The following LSAMP variants were observed in gnomAD, a reference collection of about 807,000 sequenced individuals.
LSAMP encodes limbic system-associated membrane protein.
A neutral mutation model predicts 38.6 loss-of-function variants in LSAMP; 7 were observed. The observed-to-expected ratio is 0.18, with a 90% CI of 0.10 to 0.34. The LOEUF (loss-of-function observed/expected upper bound fraction) is 0.34. Ranked by LOEUF, LSAMP falls within the 10% of genes least tolerant of loss-of-function variation. LSAMP has a pLI of 1.00. For synonymous variants in LSAMP, 154 were observed against 166.8 expected (o/e 0.92, Z 0.59); for missense variants, 313 against 420.0 (o/e 0.75, Z 2.23).
intron 3 of LSAMP, among the ~76,000 whole-genome samples, chr3:115,952,483 C>A (rs994937411): frequency 1.4e-4 from 21 of 152,122 alleles, no homozygotes; most frequent in African/African-American, 4.3e-4. Context: ...AACCAAATAT[C>A]ATATGTACTC....
intron 3 of LSAMP, among the ~76,000 whole-genome samples, chr3:115,914,719 C>G (rs1937209671): frequency 6.6e-6 from 1 of 152,170 alleles, no homozygotes; most frequent in Non-Finnish European, 1.5e-5. Flanking sequence ...CATCAACAGG[C>G]AGAACTGCTC....
chr3:116,108,538 T>C (rs1708521610), intron 1 of LSAMP, among the ~76,000 whole-genome samples: 1 of 152,066 alleles, frequency 6.6e-6, no homozygotes, highest in Non-Finnish European at 1.5e-5. Context: ...TCGGCGTCCG[T>C]GATGGTCTAC....
At position 115,958,896 on chromosome 3, in the gene LSAMP, C is replaced by T. The variant is rs567068031; in HGVS notation, c.514+60619G>A. On this transcript the variant is annotated intron_variant, in intron 3 of 6. Coordinates refer to ENST00000490035, the MANE Select transcript of LSAMP (RefSeq NM_002338.5). ...CTGGGCATTCAATGTCAGGAGAAGC[C>T]GGTAGACGTGGGGCCAGGAGGACTG... is the stretch of plus-strand genomic sequence containing the variant. Among the ~76,000 whole-genome samples, 43 of 152,206 alleles carry T rather than the reference C, an allele frequency of 2.8e-4. No homozygotes were observed. In the South Asian group the frequency reaches 4.4e-3, roughly 15 times the overall value.
intron 3 of LSAMP, among the ~76,000 whole-genome samples, chr3:115,875,173 A>G (rs1432160402): frequency 6.6e-6 from 1 of 152,132 alleles, no homozygotes; most frequent in Non-Finnish European, 1.5e-5. Flanking sequence ...TTACCCAAAT[A>G]TTTTCCTCAG....
intron 1 of LSAMP, among the ~76,000 whole-genome samples, chr3:116,278,256 A>G (rs1363969765): frequency 6.6e-6 from 1 of 152,164 alleles, no homozygotes; most frequent in Non-Finnish European, 1.5e-5. Context: ...TTTAAGAGCT[A>G]TTGTCACTTT....
chr3:116,321,085 A>G (rs1366969649), intron 1 of LSAMP, among the ~76,000 whole-genome samples: 4 of 152,198 alleles, frequency 2.6e-5, no homozygotes, highest in Admixed American at 2.6e-4. Context: ...GTATATAAAG[A>G]ATAGTTGCCA....
At chr3:115,925,159 GGGAGCTATTTTTGGA>G (rs1223708842) in intron 3 of LSAMP, among the ~76,000 whole-genome samples, 1 of 152,130 alleles carries the variant, frequency 6.6e-6, no homozygotes, top group Non-Finnish European at 1.5e-5. Flanking sequence ...GTGAACAAGG[GGGAGCTATTTTTGGA>G]GAGTGTAGAG....
At chr3:115,829,798 T>G in intron 6 of LSAMP, among the ~76,000 whole-genome samples, 1 of 152,350 alleles carries the variant, frequency 6.6e-6, no homozygotes. Flanking sequence ...ACATTAAAAC[T>G]TCAGCAGTGT....
chr3:115,984,560 T>C (rs1392598110), intron 3 of LSAMP, among the ~76,000 whole-genome samples: 1 of 152,210 alleles, frequency 6.6e-6, no homozygotes, highest in African/African-American at 2.4e-5. Flanking sequence ...TATCTAATCA[T>C]TTATGGATTC....
At chr3:116,033,230 C>T (rs1940968156) in intron 2 of LSAMP, among the ~76,000 whole-genome samples, 1 of 152,150 alleles carries the variant, frequency 6.6e-6, no homozygotes, top group Admixed American at 6.6e-5. Context: ...TCTCTCCCTT[C>T]TCTTTTTAAA....
intron 1 of LSAMP, among the ~76,000 whole-genome samples, chr3:116,240,751 T>C (rs148993244): frequency 0.016 from 2,452 of 152,344 alleles, 41 homozygotes; most frequent in Middle Eastern, 0.061. Flanking sequence ...ACATATTCAT[T>C]TTCAGGAATG....
intron 1 of LSAMP, among the ~76,000 whole-genome samples, chr3:116,388,578 C>A (rs185364992): frequency 6.6e-6 from 1 of 152,250 alleles, no homozygotes; most frequent in East Asian, 1.9e-4. Flanking sequence ...ATAGAATACA[C>A]GCTGCATCTC....
At chr3:116,294,506 A>C (rs1051262158) in intron 1 of LSAMP, among the ~76,000 whole-genome samples, 3 of 152,206 alleles carry the variant, frequency 2.0e-5, no homozygotes, top group African/African-American at 7.2e-5. Flanking sequence ...ATCCTTTAAC[A>C]GACTCTTATA....
chr3:116,324,012 A>G (rs1041248007), intron 1 of LSAMP, among the ~76,000 whole-genome samples: 8 of 152,164 alleles, frequency 5.3e-5, no homozygotes, highest in African/African-American at 1.9e-4. Flanking sequence ...ACCAAAAGAA[A>G]CTATTTTTAT....
chr3:115,832,691 G>A (rs551467175), intron 6 of LSAMP, among the ~76,000 whole-genome samples: 21 of 152,252 alleles, frequency 1.4e-4, no homozygotes, highest in African/African-American at 4.8e-4. Flanking sequence ...CCAGCCATCC[G>A]TCTTAATGAA....
Position 115,997,735 on chromosome 3 carries a change from T to TATAC in LSAMP, c.514+21779_514+21780insGTAT, listed in dbSNP as rs1553757609. ...TGGGATATATATATATATATATATA[T>TATAC]ATATATATATATATATATACACACA... On this transcript the variant is annotated intron_variant, in intron 3 of 6. Transcript: ENST00000490035. Among the ~76,000 whole-genome samples the TATAC allele has an allele frequency of 2.9e-5, 4 of 136,592 alleles. No homozygotes were observed. The East Asian group carries it at 8.6e-4, about 29-fold the overall frequency. The allele number at this position is 136,592 out of a possible 152,430, so 89.6% of individuals were successfully genotyped here. A position where few individuals can be genotyped will look rare whatever the true frequency, so the allele number is the denominator to read the frequency against.
chr3:116,332,579 CA>C (rs1204541510), intron 1 of LSAMP, among the ~76,000 whole-genome samples: 1 of 151,810 alleles, frequency 6.6e-6, no homozygotes, highest in Admixed American at 6.6e-5. Flanking sequence ...AAATGAGGGA[CA>C]AAAACAGTTA....
intron 3 of LSAMP, among the ~76,000 whole-genome samples, chr3:115,989,852 T>C (rs1939617351): frequency 6.6e-6 from 1 of 152,052 alleles, no homozygotes; most frequent in Non-Finnish European, 1.5e-5. Flanking sequence ...ACATCCAGGC[T>C]GAGGACTTGA....
chr3:115,872,497 G>C (rs1208872251), intron 3 of LSAMP, among the ~76,000 whole-genome samples: 2 of 152,100 alleles, frequency 1.3e-5, no homozygotes, highest in East Asian at 3.9e-4. Flanking sequence ...GAAAATAGCA[G>C]GTAGAAGTCT....
Sources: gnomAD v4.1 joint callset for allele counts (sites outside exome capture counted in the v4.1 genomes callset) on GRCh38, gnomAD v4.1.1 for gene constraint, MANE v1.5 for transcripts, NCBI Gene and HGNC (gene_info 2026-07-23, HGNC 2026-07-21) for gene names.